The following FARS2 variants were observed in gnomAD, a reference collection of about 807,000 sequenced individuals.
The protein encoded by FARS2 is phenylalanine--tRNA ligase, mitochondrial.
In FARS2, 40 loss-of-function variants were observed where a neutral mutation model predicts 46.4. The observed-to-expected ratio is 0.86, with a 90% CI of 0.67 to 1.12. The LOEUF is 1.12. FARS2 is among the 50% of genes most tolerant of loss of function. FARS2 has a pLI of 0.00. For synonymous variants in FARS2, 234 were observed against 214.9 expected (o/e 1.09, Z -0.78); for missense variants, 513 against 567.9 (o/e 0.90, Z 0.98).
intron 6 of FARS2, among the ~76,000 whole-genome samples, chr6:5,769,992 C>T (rs942114): frequency 0.081 from 12,306 of 152,154 alleles, 667 homozygotes; most frequent in South Asian, 0.12. Flanking sequence ...AGGCCAGGAC[C>T]AAGGCAGACT....
chr6:5,303,137 T>C (rs1768440449), intron 1 of FARS2, among the ~76,000 whole-genome samples: 1 of 152,188 alleles, frequency 6.6e-6, no homozygotes. Context: ...ACTTGAATTT[T>C]AAGTCAGTGC....
chr6:5,599,616 C>G (rs754584161), intron 5 of FARS2, among the ~76,000 whole-genome samples: 3 of 152,234 alleles, frequency 2.0e-5, no homozygotes, highest in Non-Finnish European at 4.4e-5. Flanking sequence ...ACCTGCTATA[C>G]AATTCACCCA....
intron 1 of FARS2, among the ~76,000 whole-genome samples, chr6:5,320,588 G>C (rs1769899712): frequency 6.6e-6 from 1 of 152,200 alleles, no homozygotes; most frequent in African/African-American, 2.4e-5. Context: ...TGGAATATTG[G>C]TGGGAGAAAG....
At chr6:5,347,973 G>A (rs1393710388) in intron 1 of FARS2, among the ~76,000 whole-genome samples, 4 of 151,950 alleles carry the variant, frequency 2.6e-5, no homozygotes, top group African/African-American at 7.3e-5. Context: ...CAGCTTTTTT[G>A]TATCTTCTCT....
At chr6:5,502,805 A>G (rs181696688) in intron 4 of FARS2, among the ~76,000 whole-genome samples, 66 of 152,332 alleles carry the variant, frequency 4.3e-4, no homozygotes, top group African/African-American at 1.4e-3. Context: ...CTCAGTTAGC[A>G]AAAGAGCTTT....
Position 5,542,753 on chromosome 6 carries a change from C to T in FARS2, c.905-2427C>T, listed in dbSNP as rs74714684. Among the ~76,000 whole-genome samples, 238 of 152,286 alleles carry T rather than the reference C, an allele frequency of 1.6e-3. 1 individual carries two copies. Among genetic ancestry groups the T allele is most frequent in the African/African-American group, 5.5e-3 (227 of 41,566 alleles). On this transcript the variant is annotated intron_variant, in intron 4 of 6. Transcript: ENST00000274680. ...TTTATCATTCCCACCCAATAATTTA[C>T]GAGTTCTAGTTTCAATGTGTCATAT...
chr6:5,688,639 G>C lies in FARS2; in HGVS notation c.1217+75319G>C, dbSNP rs13195911. On this transcript the variant is annotated intron_variant, in intron 6 of 6. Coordinates refer to ENST00000274680, the MANE Select transcript of FARS2 (RefSeq NM_006567.5). Reference sequence around the variant, plus strand: ...TGAGGATTTTTGCATTGATGTTCATGAGGGATATTGGTCTAAAATTCTCTT... The same window carrying C: ...TGAGGATTTTTGCATTGATGTTCATCAGGGATATTGGTCTAAAATTCTCTT... Among the ~76,000 whole-genome samples, 371 of 152,176 alleles carry C rather than the reference G, an allele frequency of 2.4e-3. No homozygotes were observed. Among genetic ancestry groups the C allele is most frequent in the Non-Finnish European group, 4.0e-3 (273 of 68,004 alleles).
upstream of FARS2, chr6:5,261,039 G>T (rs1206718127): frequency 2.4e-6 from 2 of 848,972 alleles, no homozygotes; most frequent in Non-Finnish European, 2.9e-6. Context: ...CCCAGCAGCC[G>T]CTCCACGCGG....
At chr6:5,628,015 A>T (rs1776118059) in intron 6 of FARS2, among the ~76,000 whole-genome samples, 1 of 152,230 alleles carries the variant, frequency 6.6e-6, no homozygotes, top group Non-Finnish European at 1.5e-5. Context: ...GAAAAGGAAA[A>T]AAGGAAACAA....
intron 1 of FARS2, among the ~76,000 whole-genome samples, chr6:5,332,338 G>T (rs780309452): frequency 1.2e-4 from 18 of 152,214 alleles, no homozygotes; most frequent in Non-Finnish European, 2.6e-4. Flanking sequence ...TTAATTGAAA[G>T]CACTGCATAA....
At chr6:5,700,516 G>C (rs1045899223) in intron 6 of FARS2, among the ~76,000 whole-genome samples, 14 of 151,920 alleles carry the variant, frequency 9.2e-5, no homozygotes, top group Non-Finnish European at 4.4e-5. Flanking sequence ...TCCTGCCTCA[G>C]CCTCCCAAGT....
chr6:5,583,572 G>A (rs1773451512), intron 5 of FARS2, among the ~76,000 whole-genome samples: 1 of 152,224 alleles, frequency 6.6e-6, no homozygotes, highest in Admixed American at 6.5e-5. Flanking sequence ...TTTACAATTA[G>A]AGTCGTTTGT....
At chr6:5,740,528 C>T (rs1447434214) in intron 6 of FARS2, among the ~76,000 whole-genome samples, 4 of 151,696 alleles carry the variant, frequency 2.6e-5, no homozygotes, top group African/African-American at 9.7e-5. Flanking sequence ...AAGCAAAATC[C>T]ATCAGCTTGG....
chr6:5,346,071 C>T (rs999068978), intron 1 of FARS2, among the ~76,000 whole-genome samples: 3 of 152,176 alleles, frequency 2.0e-5, no homozygotes, highest in African/African-American at 7.2e-5. Context: ...TCCACCTCAC[C>T]CTGACTATCA....
chr6:5,760,825 C>T (rs1271434911), intron 6 of FARS2, among the ~76,000 whole-genome samples: 1 of 152,232 alleles, frequency 6.6e-6, no homozygotes, highest in East Asian at 1.9e-4. Flanking sequence ...ATCACCAGTT[C>T]ATTTGGCGCC....
intron 4 of FARS2, among the ~76,000 whole-genome samples, chr6:5,516,910 A>G (rs1374786944): frequency 6.6e-6 from 1 of 152,172 alleles, no homozygotes; most frequent in Admixed American, 6.5e-5. Flanking sequence ...GTCCACTGCT[A>G]TGTATAAGCA....
chr6:5,741,441 A>G (rs1430362161), intron 6 of FARS2, among the ~76,000 whole-genome samples: 1 of 152,136 alleles, frequency 6.6e-6, no homozygotes, highest in East Asian at 1.9e-4. Flanking sequence ...CATCCACACT[A>G]TGTACAGGAT....
chr6:5,402,795 T>C (rs1761338470), intron 2 of FARS2, among the ~76,000 whole-genome samples: 1 of 152,220 alleles, frequency 6.6e-6, no homozygotes, highest in Non-Finnish European at 1.5e-5. Context: ...GGCATGCTTT[T>C]ACACCACTTT....
At chr6:5,432,332 A>ATGTG (rs1763233327) in intron 4 of FARS2, among the ~76,000 whole-genome samples, 14 of 34,810 alleles carry the variant, frequency 4.0e-4, no homozygotes, top group Middle Eastern at 8.1e-3. Context: ...AAAAAAATAT[A>ATGTG]TATATATATA....
Sources: allele counts gnomAD v4.1 joint callset (sites outside exome capture counted in the v4.1 genomes callset), GRCh38; gene constraint gnomAD v4.1.1; transcripts MANE v1.5; gene names NCBI Gene and HGNC (gene_info 2026-07-23, HGNC 2026-07-21).